Variants in MYBPC1 observed in about 807,000 individuals in gnomAD.
The protein encoded by MYBPC1 is myosin binding protein C1, also known as myosin-binding protein C, slow-type.
Under a neutral mutation model 147.1 loss-of-function variants are expected in MYBPC1, and 52 were observed. That is an observed-to-expected ratio of 0.35 (90% CI 0.28 to 0.45). MYBPC1 has a LOEUF of 0.45. Among genes scored for constraint, MYBPC1 ranks in the 20% least tolerant of loss-of-function variants. The pLI is 1.00. For synonymous variants in MYBPC1, 477 were observed against 475.9 expected (o/e 1.00, Z -0.03); for missense variants, 1,228 against 1,440.3 (o/e 0.85, Z 2.39).
At chr12:101,627,732 A>G (rs1888943131) in intron 4 of MYBPC1, 37 bp from the exon 5 acceptor site, 1 of 1,609,820 alleles carries the variant, frequency 6.2e-7, no homozygotes, top group African/African-American at 1.3e-5. Context: ...TCCCCTTTCC[A>G]CCCCTCTGCA....
chr12:101,598,016 CTTTTTTTT>C (rs34462251), intron 1 of MYBPC1, among the ~76,000 whole-genome samples: 1 of 122,182 alleles, frequency 8.2e-6, no homozygotes, highest in African/African-American at 3.0e-5. Flanking sequence ...AATCACCTTT[CTTTTTTTT>C]TTTTTTTTTT....
At chr12:101,685,140 T>C (rs943149687) in intron 31 of MYBPC1, among the ~76,000 whole-genome samples, 2 of 152,318 alleles carry the variant, frequency 1.3e-5, no homozygotes, top group African/African-American at 4.8e-5. Context: ...TCTAATGTGC[T>C]TGAATCGAAA....
chr12:101,667,720 T>G lies in MYBPC1; in HGVS notation c.2357-12T>G, dbSNP rs1035199999. 1 of 1,614,194 alleles carries G rather than the reference T, an allele frequency of 6.2e-7. No individual in the cohort carries two copies. The highest frequency in any genetic ancestry group is 8.5e-7 in the Non-Finnish European group (1 of 1,180,008). The stretch of plus-strand genomic sequence containing the variant: ...ATTCCTCCTTCTTTTCCTTTTCTTT[T>G]ACGGACTTCAGCTGAGGACTGGATA... On this transcript the variant is annotated splice_polypyrimidine_tract_variant and intron_variant, in intron 22 of 31. Transcript: ENST00000361466.
At chr12:101,675,510 C>A (rs1899760177) in intron 26 of MYBPC1, 79 bp downstream of exon 26, 1 of 1,593,842 alleles carries the variant, frequency 6.3e-7, no homozygotes, top group South Asian at 1.1e-5. Flanking sequence ...ACAAGGGCCT[C>A]ACTGGTAAGG....
chr12:101,657,355 A>C (rs1302569126), intron 18 of MYBPC1, among the ~76,000 whole-genome samples: 4 of 152,192 alleles, frequency 2.6e-5, no homozygotes, highest in African/African-American at 7.2e-5. Flanking sequence ...ACATGATACA[A>C]ATTAGTGCAG....
At chr12:101,614,299 G>A (rs1040259584) in intron 1 of MYBPC1, among the ~76,000 whole-genome samples, 197 bp from the exon 2 acceptor site, 4 of 151,716 alleles carry the variant, frequency 2.6e-5, no homozygotes, top group African/African-American at 9.7e-5. Flanking sequence ...TGGGCCTCTT[G>A]ATGCAGTAGG....
chr12:101,605,039 G>T (rs1881595972), intron 1 of MYBPC1, among the ~76,000 whole-genome samples: 1 of 152,196 alleles, frequency 6.6e-6, no homozygotes, highest in Non-Finnish European at 1.5e-5. Flanking sequence ...TTACTGAGGA[G>T]CTAGGGCCTT....
chr12:101,667,844 T>G lies in MYBPC1; in HGVS notation c.2469T>G (p.Ala823=), dbSNP rs1897774459. 1 of 1,614,198 alleles carries G rather than the reference T, an allele frequency of 6.2e-7. No homozygotes were observed. Residue 823 remains alanine, a synonymous_variant, in exon 23 of 32, where the codon GCT becomes GCG. Coordinates refer to ENST00000361466, the MANE Select transcript of MYBPC1 (RefSeq NM_002465.4). ...TGCGTGTGAAGGCTGTTAATGCAGC[T>G]GGTGCCAGCGAGCCCAAGTACTATT... The part of the protein sequence containing the change: ...IFVRVKAVNA[A]GASEPKYYSQ...
At chr12:101,675,260 C>T in intron 25 of MYBPC1, 32 bp from the exon 26 acceptor site, 2 of 1,613,372 alleles carry the variant, frequency 1.2e-6, no homozygotes, top group Non-Finnish European at 1.7e-6. Context: ...AAGAAAGTGA[C>T]CTTGCAGTGA....
chr12:101,621,957 A>G (rs1887511559), intron 3 of MYBPC1, among the ~76,000 whole-genome samples: 1 of 152,216 alleles, frequency 6.6e-6, no homozygotes, highest in African/African-American at 2.4e-5. Context: ...TCATTTTTAC[A>G]GTCTTACAAA....
intron 17 of MYBPC1, 34 bp from the exon 18 acceptor site, chr12:101,653,081 T>C (rs1565963259): frequency 6.2e-7 from 1 of 1,603,536 alleles, no homozygotes; most frequent in East Asian, 2.2e-5. Context: ...CAGAAATGAC[T>C]GTCTGATAAC....
intron 15 of MYBPC1, among the ~76,000 whole-genome samples, chr12:101,650,382 G>A (rs574103533): frequency 2.4e-4 from 37 of 152,288 alleles, no homozygotes; most frequent in African/African-American, 8.4e-4. Flanking sequence ...AAAAGCTTCA[G>A]TTGACTCACA....
intron 16 of MYBPC1, among the ~76,000 whole-genome samples, chr12:101,652,186 A>C (rs1401580998): frequency 6.6e-6 from 1 of 152,180 alleles, no homozygotes; most frequent in Non-Finnish European, 1.5e-5. Flanking sequence ...AATTGTGAGA[A>C]AATTCTATGT....
At chr12:101,660,115 G>A in intron 19 of MYBPC1, 2 of 408,336 alleles carry the variant, frequency 4.9e-6, no homozygotes, top group Non-Finnish European at 8.9e-6. Context: ...TCATTACAGA[G>A]GGATTAGATC....
intron 5 of MYBPC1, 118 bp downstream of exon 5, chr12:101,627,922 G>A: frequency 1.7e-6 from 2 of 1,198,272 alleles, no homozygotes; most frequent in Non-Finnish European, 2.5e-6. Flanking sequence ...AGTTTTTACG[G>A]CAATCTTTCA....
chr12:101,691,300 G>A, the MYBPC1 span, among the ~76,000 whole-genome samples: 1 of 152,104 alleles, frequency 6.6e-6, no homozygotes, highest in Non-Finnish European at 1.5e-5. Flanking sequence ...TCAAACTCCT[G>A]GCCTCAAGTG....
At chr12:101,677,952 T>C in intron 27 of MYBPC1, 150 bp from the exon 28 acceptor site, 1 of 992,390 alleles carries the variant, frequency 1.0e-6, no homozygotes, top group South Asian at 1.5e-5. Context: ...TTTATACCCC[T>C]CAGAATGTTT....
chr12:101,605,911 A>G (rs928089469), intron 1 of MYBPC1, among the ~76,000 whole-genome samples: 1 of 151,834 alleles, frequency 6.6e-6, no homozygotes, highest in Non-Finnish European at 1.5e-5. Flanking sequence ...ATACAAGAAT[A>G]CAGCCAAGTG....
chr12:101,644,640 C>G lies in MYBPC1; in HGVS notation c.833-24C>G, dbSNP rs369196617. On this transcript the variant is annotated intron_variant, in intron 11 of 31. Coordinates refer to ENST00000361466, the MANE Select transcript of MYBPC1 (RefSeq NM_002465.4). ...GCATATGTATACATATATTAACATA[C>G]TTTTGCTTCTTCTATTCTATCAGCT... 1.9e-6 allele frequency: 3 copies of G among 1,593,996 alleles called. No homozygotes were observed. The South Asian group carries it at 3.3e-5, about 18-fold the overall frequency.
Sources: allele counts gnomAD v4.1 joint callset (sites outside exome capture counted in the v4.1 genomes callset), GRCh38; gene constraint gnomAD v4.1.1; transcripts MANE v1.5; gene names NCBI Gene and HGNC (gene_info 2026-07-23, HGNC 2026-07-21).